The following VRK2 variants were observed in gnomAD, a reference collection of about 807,000 sequenced individuals.
The protein encoded by VRK2 is VRK serine/threonine kinase 2.
VRK2 carries 60 observed loss-of-function variants against 57.6 expected under a neutral mutation model. The ratio of observed to expected loss-of-function variants is 1.04; its 90% CI spans 0.85 to 1.29. VRK2 has a LOEUF of 1.29. Ranked by LOEUF, VRK2 falls within the 50% of genes most tolerant of loss-of-function variation. The probability of loss-of-function intolerance (pLI) is 0.00; values close to 1 mark genes in which losing one functional copy is unlikely to be tolerated. For synonymous variants in VRK2, 231 were observed against 199.2 expected, an observed-to-expected ratio of 1.16 and a Z score of -1.35; for missense variants, 705 against 588.1, an observed-to-expected ratio of 1.20 and a Z score of -2.06.
intron 6 of VRK2, among the ~76,000 whole-genome samples, chr2:58,088,733 A>G (rs1573029122): frequency 6.6e-6 from 1 of 152,342 alleles, no homozygotes; most frequent in Admixed American, 6.5e-5. Flanking sequence ...TCATTGCTGT[A>G]AGAATAACCT....
At chr2:58,147,135 C>G (rs775312684) in intron 12 of VRK2, 1 of 517,390 alleles carries the variant, frequency 1.9e-6, no homozygotes, top group Non-Finnish European at 3.9e-6. Flanking sequence ...CCTTGTATAC[C>G]CTACCTAATC....
chr2:58,048,420 A>G, intron 1 of VRK2: 2 of 538,108 alleles, frequency 3.7e-6, no homozygotes, highest in Non-Finnish European at 5.8e-6. Context: ...GTGACTGAAG[A>G]CCTTCTCACT....
chr2:57,912,604 A>C (rs1166957792), intron 1 of VRK2, among the ~76,000 whole-genome samples: 3 of 152,296 alleles, frequency 2.0e-5, no homozygotes, highest in African/African-American at 7.2e-5. Flanking sequence ...GACACCAAGA[A>C]ATTTTGTATA....
At chr2:58,079,788 A>G (rs1006309219) in intron 2 of VRK2, among the ~76,000 whole-genome samples, 12 of 151,966 alleles carry the variant, frequency 7.9e-5, no homozygotes, top group Admixed American at 3.3e-4. Context: ...GCCCTGATTC[A>G]TTTCATTGAA....
rs187681120 is a variant in VRK2 at position 58,072,709 on chromosome 2, T to G, written c.137-11380T>G. On this transcript the variant is annotated intron_variant, in intron 2 of 12. Transcript: ENST00000340157. The stretch of plus-strand genomic sequence containing the variant: ...TATCCATCTTTATGAGAGATATTGA[T>G]TTGTAGTTTTTTTTCTTTTAATGTT... 2.8e-3 allele frequency among the ~76,000 whole-genome samples: 433 copies of G among 152,112 alleles called. 2 individuals carry two copies. The highest frequency in any genetic ancestry group is 8.7e-3 in the African/African-American group (362 of 41,566).
intron 1 of VRK2, among the ~76,000 whole-genome samples, chr2:58,012,794 T>G (rs1020026753): frequency 1.3e-5 from 2 of 152,226 alleles, no homozygotes; most frequent in African/African-American, 2.4e-5. Flanking sequence ...TATTTTTCAT[T>G]ATAACACAGT....
chr2:57,956,701 C>T (rs1334625243), intron 1 of VRK2, among the ~76,000 whole-genome samples: 1 of 152,060 alleles, frequency 6.6e-6, no homozygotes, highest in African/African-American at 2.4e-5. Context: ...TTATTTATGC[C>T]TTATTTGGAG....
At chr2:58,112,896 TG>T (rs1463813952) in intron 7 of VRK2, among the ~76,000 whole-genome samples, 2 of 152,190 alleles carry the variant, frequency 1.3e-5, no homozygotes, top group Admixed American at 1.3e-4. Flanking sequence ...GGTAATCTCT[TG>T]GAACTGCCCT....
intron 1 of VRK2, among the ~76,000 whole-genome samples, chr2:57,975,394 T>G (rs1672218731): frequency 6.6e-6 from 1 of 152,120 alleles, no homozygotes; most frequent in Non-Finnish European, 1.5e-5. Context: ...TTTCTATTGC[T>G]GCCTTAACAA....
At chr2:58,144,578 C>T (rs546400700) in intron 11 of VRK2, among the ~76,000 whole-genome samples, 1 of 151,916 alleles carries the variant, frequency 6.6e-6, no homozygotes, top group African/African-American at 2.4e-5. Context: ...AACACATTTT[C>T]ACAAGAATTG....
intron 2 of VRK2, among the ~76,000 whole-genome samples, chr2:58,067,808 C>T (rs557530608): frequency 6.6e-6 from 1 of 152,250 alleles, no homozygotes; most frequent in East Asian, 1.9e-4. Context: ...TTACATTTTC[C>T]CAGTTATTGA....
At chr2:58,081,365 T>C (rs151144765) in intron 2 of VRK2, among the ~76,000 whole-genome samples, 1,563 of 152,154 alleles carry the variant, frequency 0.01, 23 homozygotes, top group African/African-American at 0.035. Context: ...ATTTCAGAGA[T>C]GTTAACATAT....
chr2:57,999,660 A>G (rs572567647), intron 1 of VRK2, among the ~76,000 whole-genome samples: 10 of 152,334 alleles, frequency 6.6e-5, no homozygotes, highest in Non-Finnish European at 1.2e-4. Context: ...CTTGGGTTAT[A>G]TATCAAAACC....
At position 57,958,768 on chromosome 2, in the gene VRK2, C is replaced by T. The variant is rs560163970; in HGVS notation, c.-439+50929C>T. 2.7e-4 allele frequency among the ~76,000 whole-genome samples: 41 copies of T among 152,120 alleles called. 1 individual carries two copies. Among genetic ancestry groups the T allele is most frequent in the Admixed American group, 1.2e-3 (19 of 15,262 alleles). On this transcript the variant is annotated intron_variant, in intron 1 of 15. Coordinates refer to the VRK2 transcript ENST00000417641. Reference sequence around the variant, plus strand: ...AACAGACCACATCCTATAGCTAGCTCATAAATTAATATCATTGGTCACAAA... The same window carrying T: ...AACAGACCACATCCTATAGCTAGCTTATAAATTAATATCATTGGTCACAAA...
At chr2:58,118,734 G>A (rs1676927342) in intron 7 of VRK2, among the ~76,000 whole-genome samples, 1 of 152,218 alleles carries the variant, frequency 6.6e-6, no homozygotes, top group Non-Finnish European at 1.5e-5. Flanking sequence ...TACCAAACAG[G>A]CTTTGTGTGA....
At chr2:58,150,321 G>A (rs1272645497) in intron 12 of VRK2, among the ~76,000 whole-genome samples, 1 of 150,448 alleles carries the variant, frequency 6.6e-6, no homozygotes, top group East Asian at 1.9e-4. Context: ...TTTTTTCTTG[G>A]GTCAGTTTTA....
intron 2 of VRK2, chr2:58,033,182 T>C (rs1245431810): frequency 6.6e-6 from 1 of 152,118 alleles, no homozygotes; most frequent in Non-Finnish European, 1.5e-5. Flanking sequence ...ACCATCATTT[T>C]GTTTACAACT....
intron 7 of VRK2, among the ~76,000 whole-genome samples, chr2:58,093,661 T>G (rs891902735): frequency 1.3e-5 from 2 of 152,098 alleles, no homozygotes; most frequent in African/African-American, 4.8e-5. Flanking sequence ...AGAAGCTCTT[T>G]AGTTTAATTA....
intron 12 of VRK2, among the ~76,000 whole-genome samples, chr2:58,149,024 C>A (rs1237962700): frequency 1.3e-5 from 2 of 151,660 alleles, no homozygotes; most frequent in Admixed American, 6.6e-5. Flanking sequence ...TAGTTTCCAC[C>A]AAAAAATGCA....
Sources: allele counts gnomAD v4.1 joint callset (sites outside exome capture counted in the v4.1 genomes callset), GRCh38; gene constraint gnomAD v4.1.1; transcripts MANE v1.5; gene names NCBI Gene and HGNC (gene_info 2026-07-23, HGNC 2026-07-21).